Variants in ASTN2 observed in about 807,000 individuals in gnomAD.
ASTN2 encodes the protein astrotactin-2.
ASTN2 carries 54 observed loss-of-function variants against 139.8 expected under a neutral mutation model. That is an observed-to-expected ratio of 0.39 (90% CI 0.31 to 0.48). The LOEUF is 0.48. Among genes scored for constraint, ASTN2 ranks in the 20% least tolerant of loss-of-function variants. The pLI, the probability that ASTN2 is intolerant of heterozygous loss-of-function variation, is 0.95. For missense variants in ASTN2, 1,565 were observed against 1,725.1 expected, an observed-to-expected ratio of 0.91 and a Z score of 1.64; for synonymous variants, 756 against 719.5, an observed-to-expected ratio of 1.05 and a Z score of -0.81.
At chr9:117,188,787 T>C (rs998181325) in intron 3 of ASTN2, among the ~76,000 whole-genome samples, 1 of 152,196 alleles carries the variant, frequency 6.6e-6, no homozygotes, top group African/African-American at 2.4e-5. Flanking sequence ...TGCCAAGGAA[T>C]AATGATTCTA....
At chr9:116,879,219 C>G (rs980122340) in intron 10 of ASTN2, among the ~76,000 whole-genome samples, 1 of 152,160 alleles carries the variant, frequency 6.6e-6, no homozygotes, top group African/African-American at 2.4e-5. Flanking sequence ...GGGGTGATCT[C>G]TAAGGGCTCT....
chr9:116,536,132 T>G (rs944987759), intron 19 of ASTN2, among the ~76,000 whole-genome samples: 25 of 152,132 alleles, frequency 1.6e-4, no homozygotes, highest in African/African-American at 6.0e-4. Context: ...ATACCCTTTC[T>G]TCCAGCTGAT....
At chr9:116,670,867 G>A (rs1859155637) in intron 16 of ASTN2, among the ~76,000 whole-genome samples, 1 of 152,034 alleles carries the variant, frequency 6.6e-6, no homozygotes, top group African/African-American at 2.4e-5. Flanking sequence ...ATCCATACTA[G>A]TTCAAACCAT....
At chr9:117,337,335 A>C (rs1460284804) in intron 1 of ASTN2, among the ~76,000 whole-genome samples, 1 of 152,192 alleles carries the variant, frequency 6.6e-6, no homozygotes, top group Non-Finnish European at 1.5e-5. Flanking sequence ...TGCAGAGATC[A>C]AAATTCCTGC....
intron 7 of ASTN2, among the ~76,000 whole-genome samples, chr9:116,988,538 C>G: frequency 6.6e-6 from 1 of 152,220 alleles, no homozygotes. Context: ...CCCTGTGAAG[C>G]GGGTGCTCAT....
chr9:116,472,840 T>C (rs1848856819), intron 20 of ASTN2, among the ~76,000 whole-genome samples: 2 of 150,626 alleles, frequency 1.3e-5, no homozygotes, highest in African/African-American at 4.9e-5. Flanking sequence ...GGCAGGAGAA[T>C]CGCTTGAACC....
chr9:116,615,956 C>T (rs2131815542), intron 19 of ASTN2, among the ~76,000 whole-genome samples: 1 of 152,132 alleles, frequency 6.6e-6, no homozygotes, highest in East Asian at 1.9e-4. Flanking sequence ...CAATTAGCAT[C>T]ATACTTAATG....
intron 2 of ASTN2, among the ~76,000 whole-genome samples, chr9:117,237,829 C>T (rs912922828): frequency 6.6e-6 from 1 of 152,186 alleles, no homozygotes; most frequent in African/African-American, 2.4e-5. Context: ...CAGTGTTTCA[C>T]TTCACTCTAC....
At chr9:116,554,975 G>A (rs576124234) in intron 19 of ASTN2, among the ~76,000 whole-genome samples, 44 of 152,270 alleles carry the variant, frequency 2.9e-4, no homozygotes, top group African/African-American at 1.1e-3. Context: ...GAGGGAAACT[G>A]TGAGATTATC....
chr9:117,374,616 A>G (rs1409254446), intron 1 of ASTN2, among the ~76,000 whole-genome samples: 1 of 152,120 alleles, frequency 6.6e-6, no homozygotes, highest in Non-Finnish European at 1.5e-5. Context: ...AATACAAAAG[A>G]AGGCACCAAG....
chr9:116,521,285 G>T (rs759443492), intron 19 of ASTN2, among the ~76,000 whole-genome samples: 2 of 152,046 alleles, frequency 1.3e-5, no homozygotes, highest in Non-Finnish European at 2.9e-5. Flanking sequence ...GCATGGTATT[G>T]GGGTAAAAAC....
At chr9:116,685,187 TAA>T (rs1174216539) in intron 16 of ASTN2, among the ~76,000 whole-genome samples, 2 of 152,282 alleles carry the variant, frequency 1.3e-5, no homozygotes, top group African/African-American at 4.8e-5. Flanking sequence ...CCCAGATCAA[TAA>T]ACTCACTCAT....
chr9:116,952,050 A>G (rs1197560396), intron 10 of ASTN2, among the ~76,000 whole-genome samples: 1 of 152,224 alleles, frequency 6.6e-6, no homozygotes, highest in African/African-American at 2.4e-5. Context: ...GAGCAACTGT[A>G]TTGACTAAAA....
At chr9:116,428,318 G>A (rs1847374305) in intron 22 of ASTN2, among the ~76,000 whole-genome samples, 1 of 152,168 alleles carries the variant, frequency 6.6e-6, no homozygotes, top group African/African-American at 2.4e-5. Flanking sequence ...AAAGTCAGAA[G>A]TTCGACAGCA....
At chr9:116,610,522 T>C (rs1855482541) in intron 19 of ASTN2, among the ~76,000 whole-genome samples, 1 of 152,076 alleles carries the variant, frequency 6.6e-6, no homozygotes, top group Admixed American at 6.6e-5. Context: ...GAGAATCGCT[T>C]GAATCCAGGA....
At chr9:116,727,943 A>G (rs995510577) in intron 15 of ASTN2, among the ~76,000 whole-genome samples, 3 of 152,200 alleles carry the variant, frequency 2.0e-5, no homozygotes, top group Non-Finnish European at 4.4e-5. Flanking sequence ...AAATCCTCCA[A>G]TTCCCAGGCT....
chr9:117,172,292 G>C (rs747377416), intron 3 of ASTN2, among the ~76,000 whole-genome samples: 1 of 152,060 alleles, frequency 6.6e-6, no homozygotes, highest in Non-Finnish European at 1.5e-5. Flanking sequence ...TTAGAATGTG[G>C]CTTGTTTGAC....
At chr9:116,735,045 ATTATCT>A (rs1354724367) in intron 13 of ASTN2, among the ~76,000 whole-genome samples, 2 of 152,328 alleles carry the variant, frequency 1.3e-5, no homozygotes, top group East Asian at 3.9e-4. Flanking sequence ...GATAGATATT[ATTATCT>A]TTAAGTTGCA....
intron 19 of ASTN2, among the ~76,000 whole-genome samples, chr9:116,606,586 C>G (rs1855218907): frequency 6.6e-6 from 1 of 152,214 alleles, no homozygotes; most frequent in Non-Finnish European, 1.5e-5. Flanking sequence ...TTTCCCTATT[C>G]TGGCCTCACC....
Sources: allele counts gnomAD v4.1 joint callset (sites outside exome capture counted in the v4.1 genomes callset), GRCh38; gene constraint gnomAD v4.1.1; transcripts MANE v1.5; gene names NCBI Gene and HGNC (gene_info 2026-07-23, HGNC 2026-07-21).